Variants in NOX3 observed in about 807,000 individuals in gnomAD.
NOX3 encodes NADPH oxidase catalytic subunit-like 3.
In NOX3, 74 loss-of-function variants were observed where a neutral mutation model predicts 76.7. That is an observed-to-expected ratio of 0.96 (90% confidence interval 0.80 to 1.17). The LOEUF (loss-of-function observed/expected upper bound fraction) is 1.17. Among genes scored for constraint, NOX3 ranks in the 50% most tolerant of loss-of-function variants. The pLI, the probability that NOX3 is intolerant of heterozygous loss-of-function variation, is 0.00. For missense variants in NOX3, 695 were observed against 703.3 expected (o/e 0.99, Z 0.13); for synonymous variants, 263 against 261.1 (o/e 1.01, Z -0.07).
intron 11 of NOX3, among the ~76,000 whole-genome samples, chr6:155,410,976 G>T (rs891248377): frequency 6.6e-6 from 1 of 152,180 alleles, no homozygotes; most frequent in Non-Finnish European, 1.5e-5. Context: ...GTCTTCCATT[G>T]TCTGACCCTT....
At chr6:155,454,463 T>A (rs1332880984) in intron 3 of NOX3, among the ~76,000 whole-genome samples, 2 of 152,236 alleles carry the variant, frequency 1.3e-5, no homozygotes, top group Non-Finnish European at 2.9e-5. Context: ...CCCAGAGAGA[T>A]GTTTCCTGGT....
chr6:155,445,378 G>C (rs187540781), intron 4 of NOX3, among the ~76,000 whole-genome samples: 112 of 152,342 alleles, frequency 7.4e-4, no homozygotes, highest in African/African-American at 2.7e-3. Flanking sequence ...AGGTGTGGAA[G>C]AAGATGTGAT....
intron 12 of NOX3, among the ~76,000 whole-genome samples, chr6:155,399,277 C>T (rs988253152): frequency 2.6e-5 from 4 of 152,192 alleles, no homozygotes; most frequent in Admixed American, 1.3e-4. Flanking sequence ...ACTGCTCTTT[C>T]GTTTGCAGCA....
Position 155,435,759 on chromosome 6 carries a change from G to A in NOX3, c.798+659C>T, listed in dbSNP as rs1426648685. The stretch of plus-strand genomic sequence containing the variant: ...CTAAGATACCAGAAGAGGCCAGATA[G>A]GAATATTACTTCTCTTTCCCTATGC... On this transcript the variant is annotated intron_variant, in intron 7 of 13. Coordinates refer to ENST00000159060, the MANE Select transcript of NOX3 (RefSeq NM_015718.3). Among the ~76,000 whole-genome samples the A allele has an allele frequency of 3.9e-5, 6 of 152,210 alleles. No homozygotes were observed. In the South Asian group the frequency reaches 1.2e-3, roughly 32 times the overall value.
chr6:155,422,639 T>C, intron 10 of NOX3, 55 bp downstream of exon 10: 2 of 1,540,622 alleles, frequency 1.3e-6, no homozygotes, highest in Non-Finnish European at 8.9e-7. Flanking sequence ...ATGATAGATA[T>C]AAGGACATTG....
chr6:155,452,934 G>A (rs1486839707), intron 4 of NOX3, among the ~76,000 whole-genome samples: 1 of 152,068 alleles, frequency 6.6e-6, no homozygotes. Flanking sequence ...GTCTTTTCAA[G>A]ACCCTTTTAT....
chr6:155,403,724 G>A (rs1421141759), intron 12 of NOX3, among the ~76,000 whole-genome samples: 1 of 152,088 alleles, frequency 6.6e-6, no homozygotes, highest in Non-Finnish European at 1.5e-5. Flanking sequence ...TACTCCCTGC[G>A]AAAAAATTGG....
chr6:155,429,076 T>C, intron 8 of NOX3, 29 bp from the exon 9 acceptor site: 1 of 1,499,302 alleles, frequency 6.7e-7, no homozygotes, highest in Non-Finnish European at 8.9e-7. Context: ...GTTGTTTGCC[T>C]TTGTCCTCGA....
intron 7 of NOX3, among the ~76,000 whole-genome samples, chr6:155,434,291 C>T (rs1016795160): frequency 1.3e-5 from 2 of 152,198 alleles, no homozygotes; most frequent in Non-Finnish European, 2.9e-5. Context: ...CTTATGGTTA[C>T]GATGAGTTGA....
In NOX3 at chr6:155,455,143, G is replaced by T. The variant is rs369048962; in HGVS notation, c.49-14C>A. On this transcript the variant is annotated splice_polypyrimidine_tract_variant and intron_variant, in intron 1 of 13. Coordinates refer to ENST00000159060, the MANE Select transcript of NOX3 (RefSeq NM_015718.3). ...CAGCCATGAGAGCTAGAGTAGAAAGGAAAGAGAACCAATGATTACTACCTT... is the reference window on the plus strand; with the variant it reads ...CAGCCATGAGAGCTAGAGTAGAAAGTAAAGAGAACCAATGATTACTACCTT... The T allele has an allele frequency of 2.8e-5, 43 of 1,549,468 alleles. No homozygotes were observed. Among genetic ancestry groups the T allele is most frequent in the Non-Finnish European group, 3.6e-5 (41 of 1,126,176 alleles).
intron 12 of NOX3, among the ~76,000 whole-genome samples, chr6:155,397,561 A>C (rs1004699252): frequency 1.3e-5 from 2 of 152,214 alleles, no homozygotes; most frequent in Non-Finnish European, 2.9e-5. Context: ...TGAATGACTA[A>C]ATGGCTTTCC....
intron 4 of NOX3, among the ~76,000 whole-genome samples, chr6:155,444,092 T>G (rs1334737048): frequency 2.0e-5 from 3 of 152,338 alleles, no homozygotes; most frequent in South Asian, 2.1e-4. Context: ...CCAGGAGAGA[T>G]ATTGTTTTTG....
At chr6:155,397,479 C>G (rs1403739979) in intron 12 of NOX3, among the ~76,000 whole-genome samples, 1 of 152,160 alleles carries the variant, frequency 6.6e-6, no homozygotes, top group African/African-American at 2.4e-5. Context: ...AGAACATAAA[C>G]CTGGTCTGTT....
At chr6:155,440,690 A>AC (rs200732640) in intron 5 of NOX3, among the ~76,000 whole-genome samples, 4,430 of 152,144 alleles carry the variant, frequency 0.029, 224 homozygotes, top group African/African-American at 0.1. Flanking sequence ...AAACAAAAAA[A>AC]AAAAAAACCA....
Position 155,430,963 on chromosome 6 carries a change from A to G in NOX3, c.799-28T>C, listed in dbSNP as rs781491425. On this transcript the variant is annotated intron_variant, in intron 7 of 13. Transcript: ENST00000159060. The stretch of plus-strand genomic sequence containing the variant: ...GAAGAGAGTAGCAGAGAGAGAGAGA[A>G]AAAGGAAATGAAAATAGAATCCAAA... 90 of 1,328,052 alleles carry G rather than the reference A, an allele frequency of 6.8e-5. 1 individual carries two copies. The Admixed American group carries it at 1.6e-3, about 23-fold the overall frequency. The allele number at this position is 1,328,052 out of a possible 1,614,324, so 82.3% of individuals were successfully genotyped here.
In NOX3 at chr6:155,440,909, T is replaced by C. The variant is rs532116063; in HGVS notation, c.487-772A>G. ...AAAGCAGCTGCACACTCAGTTCCCT[T>C]GGTAGTTGTTCCTTGCTCTTGCTTT... On this transcript the variant is annotated intron_variant, in intron 5 of 13. Transcript: ENST00000159060. 3.9e-5 allele frequency among the ~76,000 whole-genome samples: 6 copies of C among 152,298 alleles called. No homozygotes were observed. In the South Asian group the frequency reaches 1.0e-3, roughly 26 times the overall value.
At chr6:155,407,634 C>G (rs2114678281) in intron 11 of NOX3, among the ~76,000 whole-genome samples, 1 of 152,322 alleles carries the variant, frequency 6.6e-6, no homozygotes, top group South Asian at 2.1e-4. Flanking sequence ...ACCTGCTATC[C>G]CCTTTCACTT....
intron 4 of NOX3, among the ~76,000 whole-genome samples, chr6:155,446,115 G>A (rs1282382700): frequency 6.6e-6 from 1 of 151,434 alleles, no homozygotes; most frequent in Non-Finnish European, 1.5e-5. Context: ...GCATCGTGAT[G>A]TTTACTGCTT....
In NOX3 at chr6:155,450,791, G is replaced by A. The variant is rs1040373582; in HGVS notation, c.340+2613C>T. On this transcript the variant is annotated intron_variant, in intron 4 of 13. Transcript: ENST00000159060. The stretch of plus-strand genomic sequence containing the variant: ...GTGTGCCCAAGGGGAAAAGCCAGGG[G>A]GATATGGCAGGAGATAAGACTGTGG... Among the ~76,000 whole-genome samples, 20 of 152,098 alleles carry A rather than the reference G, an allele frequency of 1.3e-4. 1 individual carries two copies. Among genetic ancestry groups the A allele is most frequent in the Non-Finnish European group, 4.4e-5 (3 of 68,028 alleles).
Sources: gnomAD v4.1 joint callset for allele counts (sites outside exome capture counted in the v4.1 genomes callset) on GRCh38, gnomAD v4.1.1 for gene constraint, MANE v1.5 for transcripts, NCBI Gene and HGNC (gene_info 2026-07-23, HGNC 2026-07-21) for gene names.